Variants in LZTS1 observed in about 807,000 individuals in gnomAD.
The protein encoded by LZTS1 is leucine zipper putative tumor suppressor 1.
Under a neutral mutation model 45.8 loss-of-function variants are expected in LZTS1, and 31 were observed. The ratio of observed to expected loss-of-function variants is 0.68; its 90% CI spans 0.51 to 0.91. The LOEUF (loss-of-function observed/expected upper bound fraction) is 0.91, where lower values mean the gene tolerates loss of function less well. Ranked by LOEUF, LZTS1 falls within the 40% of genes least tolerant of loss-of-function variation. LZTS1 has a pLI of 0.00. For synonymous variants in LZTS1, 359 were observed against 357.3 expected, an observed-to-expected ratio of 1.00 and a Z score of -0.05; for missense variants, 821 against 788.9, an observed-to-expected ratio of 1.04 and a Z score of -0.49.
chr8:20,299,385 TA>T (rs1801032544), intron 1 of LZTS1, among the ~76,000 whole-genome samples: 1 of 152,242 alleles, frequency 6.6e-6, no homozygotes, highest in East Asian at 1.9e-4. Flanking sequence ...GTTAGTATTT[TA>T]ATTGCAAAAA....
chr8:20,275,069 ATG>A (rs2128896477), intron 1 of LZTS1, among the ~76,000 whole-genome samples: 1 of 151,942 alleles, frequency 6.6e-6, no homozygotes, highest in African/African-American at 2.4e-5. Flanking sequence ...ACAGATACTA[ATG>A]TGTGTGGAAG....
intron 1 of LZTS1, among the ~76,000 whole-genome samples, chr8:20,295,862 C>T (rs570352682): frequency 1.3e-5 from 2 of 152,270 alleles, no homozygotes; most frequent in African/African-American, 2.4e-5. Context: ...AATGCCCCCC[C>T]AATCCAGTGT....
chr8:20,252,497 G>T (rs1799953797), intron 3 of LZTS1, among the ~76,000 whole-genome samples: 1 of 152,154 alleles, frequency 6.6e-6, no homozygotes, highest in Non-Finnish European at 1.5e-5. Context: ...AGCCTGGCTG[G>T]GCCTTGGTCA....
At chr8:20,274,460 G>A (rs770570696) in intron 1 of LZTS1, among the ~76,000 whole-genome samples, 40 of 152,088 alleles carry the variant, frequency 2.6e-4, no homozygotes, top group African/African-American at 1.7e-4. Context: ...TCTCCATCCC[G>A]GTGTGTGATG....
At chr8:20,286,975 A>G (rs1220094109) in intron 1 of LZTS1, among the ~76,000 whole-genome samples, 1 of 149,108 alleles carries the variant, frequency 6.7e-6, no homozygotes, top group Non-Finnish European at 1.5e-5. Context: ...GGTACTTTTA[A>G]TGTTCTCTCT....
At position 20,250,051 on chromosome 8, in the gene LZTS1, T is replaced by A. The variant is rs372436839; in HGVS notation, c.1462A>T (p.Met488Leu). ...LRAQAALARDMGPPTFPEDVP... is the reference protein window; with the variant it reads ...LRAQAALARDLGPPTFPEDVP... The stretch of plus-strand genomic sequence containing the variant: ...TCCTCGGGGAAGGTGGGCGGCCCCA[T>A]GTCGCGGGCCAGGGCGGCCTGGGCC... Residue 488 changes from methionine (M) to leucine (L), a missense_variant, in exon 4 of 4, where the codon ATG (methionine) becomes TTG (leucine). Met to Leu is a conservative substitution (Grantham distance 15). Coordinates refer to ENST00000381569, the MANE Select transcript of LZTS1 (RefSeq NM_021020.5). 6.2e-7 allele frequency: 1 copy of A among 1,608,698 alleles called. No individual in the cohort carries two copies. Among genetic ancestry groups the A allele is most frequent in the Non-Finnish European group, 8.5e-7 (1 of 1,179,082 alleles).
At chr8:20,268,706 G>A (rs902585604) in intron 1 of LZTS1, among the ~76,000 whole-genome samples, 1 of 152,206 alleles carries the variant, frequency 6.6e-6, no homozygotes, top group South Asian at 2.1e-4. Flanking sequence ...GAGGAGGAAG[G>A]GGGTGGGGGA....
At chr8:20,272,865 C>G (rs955482158) in intron 1 of LZTS1, among the ~76,000 whole-genome samples, 4 of 152,216 alleles carry the variant, frequency 2.6e-5, no homozygotes, top group Non-Finnish European at 5.9e-5. Context: ...TATTCTCTCC[C>G]ATGAGCATTT....
At chr8:20,280,581 G>C (rs1045657987) in intron 1 of LZTS1, among the ~76,000 whole-genome samples, 1 of 152,152 alleles carries the variant, frequency 6.6e-6, no homozygotes, top group African/African-American at 2.4e-5. Context: ...AAGCAGCACC[G>C]CCTGAATGTG....
At chr8:20,292,148 G>A (rs543827651) in intron 1 of LZTS1, among the ~76,000 whole-genome samples, 37 of 152,256 alleles carry the variant, frequency 2.4e-4, no homozygotes, top group Non-Finnish European at 2.6e-4. Flanking sequence ...CGGGTACCAG[G>A]CTGAGGAATC....
rs180983878 is a variant in LZTS1, at chr8:20,295,537, T to C, written c.-135+8203A>G. On this transcript the variant is annotated intron_variant, in intron 1 of 3. Coordinates refer to ENST00000381569, the MANE Select transcript of LZTS1 (RefSeq NM_021020.5). Reference sequence around the variant, plus strand: ...ATCTCTGCCATTTGGGACCGAGCCCTAGACCATTCCTAAGGCCTGGTGCTA... The same window carrying C: ...ATCTCTGCCATTTGGGACCGAGCCCCAGACCATTCCTAAGGCCTGGTGCTA... 7.8e-4 allele frequency among the ~76,000 whole-genome samples: 119 copies of C among 152,302 alleles called. 1 individual carries two copies. Among genetic ancestry groups the C allele is most frequent in the African/African-American group, 2.8e-3 (117 of 41,560 alleles).
intron 1 of LZTS1, among the ~76,000 whole-genome samples, chr8:20,260,421 TGCCGTG>T (rs1377222244): frequency 6.6e-6 from 1 of 152,164 alleles, no homozygotes; most frequent in Non-Finnish European, 1.5e-5. Context: ...CAAGGTGGGA[TGCCGTG>T]GCCCTGGCCA....
At chr8:20,256,239 A>G (rs1800097985) in intron 1 of LZTS1, among the ~76,000 whole-genome samples, 1 of 152,104 alleles carries the variant, frequency 6.6e-6, no homozygotes, top group Admixed American at 6.5e-5. Context: ...CTGGAGAACA[A>G]TTAGCAAGGC....
chr8:20,288,691 C>T (rs1425989559), intron 1 of LZTS1, among the ~76,000 whole-genome samples: 2 of 152,192 alleles, frequency 1.3e-5, no homozygotes, highest in Non-Finnish European at 2.9e-5. Context: ...GCTCTCCCAC[C>T]ACTGGGGCCC....
intron 1 of LZTS1, among the ~76,000 whole-genome samples, chr8:20,280,493 G>A (rs1167168130): frequency 6.6e-6 from 1 of 152,086 alleles, no homozygotes; most frequent in East Asian, 1.9e-4. Flanking sequence ...AATTCCTCCC[G>A]CTGCCACATG....
intron 1 of LZTS1, among the ~76,000 whole-genome samples, chr8:20,261,617 G>T (rs1229991886): frequency 6.6e-6 from 1 of 152,352 alleles, no homozygotes; most frequent in East Asian, 1.9e-4. Context: ...GCCTCTGATG[G>T]TCCCTTTCTG....
At chr8:20,266,205 C>G (rs566818981) in intron 1 of LZTS1, among the ~76,000 whole-genome samples, 1 of 152,042 alleles carries the variant, frequency 6.6e-6, no homozygotes, top group African/African-American at 2.4e-5. Context: ...AAATTTTGTG[C>G]AGAGACAGGG....
chr8:20,252,794 C>G lies in LZTS1; in HGVS notation c.1137G>C (p.Glu379Asp). Reference protein sequence around the residue: ...EKTSFGPALEETQWEVCQKSG... With the variant: ...EKTSFGPALEDTQWEVCQKSG... ...TGTGTGGCCTCACCTCCCACTGGGT[C>G]TCCTCCAGCGCGGGGCCGAAGCTGG... The change falls in exon 3 of 4, where the codon GAG becomes GAC. Residue 379 changes from glutamate (E) to aspartate (D), a missense_variant. By Grantham distance (45) the Glu-to-Asp change is conservative. Transcript: ENST00000381569. 1.3e-6 allele frequency: 2 copies of G among 1,517,538 alleles called. No homozygotes were observed. The highest frequency in any genetic ancestry group is 1.8e-6 in the Non-Finnish European group (2 of 1,132,246). 94.0% of individuals were successfully genotyped at this position (1,517,538 alleles called of 1,614,324 possible). A position where few individuals can be genotyped will look rare whatever the true frequency, so the allele number is the denominator to read the frequency against.
At chr8:20,284,413 G>C (rs778945162) in intron 1 of LZTS1, among the ~76,000 whole-genome samples, 5 of 152,190 alleles carry the variant, frequency 3.3e-5, no homozygotes, top group Non-Finnish European at 7.3e-5. Flanking sequence ...GGTCAGTGTG[G>C]AATAAGAGCT....
Sources: allele counts gnomAD v4.1 joint callset (sites outside exome capture counted in the v4.1 genomes callset), GRCh38; gene constraint gnomAD v4.1.1; transcripts MANE v1.5; gene names NCBI Gene and HGNC (gene_info 2026-07-23, HGNC 2026-07-21).